The following MSI2 variants were observed in gnomAD, a reference collection of about 807,000 sequenced individuals.
The protein encoded by MSI2 is musashi RNA binding protein 2.
MSI2 carries 17 observed loss-of-function variants against 45.6 expected under a neutral mutation model. That is an observed-to-expected ratio of 0.37 (90% CI 0.26 to 0.56). The LOEUF (loss-of-function observed/expected upper bound fraction) is 0.56. Ranked by LOEUF, MSI2 falls within the 20% of genes least tolerant of loss-of-function variation. MSI2 has a pLI of 0.77. For missense variants in MSI2, 293 were observed against 444.2 expected, an observed-to-expected ratio of 0.66 and a Z score of 3.06; for synonymous variants, 156 against 158.2, an observed-to-expected ratio of 0.99 and a Z score of 0.11.
chr17:57,418,395 C>T (rs1203033402), intron 6 of MSI2, among the ~76,000 whole-genome samples: 1 of 152,228 alleles, frequency 6.6e-6, no homozygotes, highest in Non-Finnish European at 1.5e-5. Flanking sequence ...ATTGTATTGT[C>T]TGATGCCATC....
intron 6 of MSI2, among the ~76,000 whole-genome samples, chr17:57,488,048 TAGA>T (rs1478736934): frequency 1.3e-4 from 20 of 151,892 alleles, no homozygotes; most frequent in Non-Finnish European, 1.5e-5. Context: ...TGGGAGAGAT[TAGA>T]AGGAGAGAGC....
At chr17:57,435,069 G>T (rs185058998) in intron 6 of MSI2, among the ~76,000 whole-genome samples, 3 of 152,174 alleles carry the variant, frequency 2.0e-5, no homozygotes, top group African/African-American at 7.2e-5. Context: ...TAATGTAAGA[G>T]AGACTGCTTG....
downstream of MSI2, among the ~76,000 whole-genome samples, chr17:57,686,165 C>T (rs559415997): frequency 6.6e-5 from 10 of 152,198 alleles, no homozygotes; most frequent in South Asian, 2.1e-4. Context: ...CAAATGTCAG[C>T]GTCAGTGTTG....
chr17:57,343,720 T>A (rs146050272), intron 5 of MSI2, among the ~76,000 whole-genome samples: 73 of 152,314 alleles, frequency 4.8e-4, no homozygotes, highest in Middle Eastern at 3.4e-3. Context: ...GAGGATCAGG[T>A]ATAACATTTA....
At chr17:57,402,653 G>A (rs1365968478) in intron 6 of MSI2, among the ~76,000 whole-genome samples, 1 of 152,196 alleles carries the variant, frequency 6.6e-6, no homozygotes, top group African/African-American at 2.4e-5. Context: ...TGAGGGCCAT[G>A]ACCTTTATTC....
chr17:57,301,071 A>T (rs1023876757), intron 5 of MSI2, among the ~76,000 whole-genome samples: 4 of 152,182 alleles, frequency 2.6e-5, no homozygotes, highest in Non-Finnish European at 5.9e-5. Flanking sequence ...GTTCTTAGAC[A>T]CGGAGACCTT....
At chr17:57,645,023 C>T (rs1050909168) in intron 10 of MSI2, among the ~76,000 whole-genome samples, 1 of 152,166 alleles carries the variant, frequency 6.6e-6, no homozygotes, top group South Asian at 2.1e-4. Flanking sequence ...GGGTTCATGA[C>T]GTAATACTCC....
intron 10 of MSI2, among the ~76,000 whole-genome samples, chr17:57,648,503 C>T (rs1045605416): frequency 6.6e-6 from 1 of 152,194 alleles, no homozygotes; most frequent in African/African-American, 2.4e-5. Context: ...GGTCTGCGTG[C>T]TCTGCTGTTT....
intron 5 of MSI2, among the ~76,000 whole-genome samples, chr17:57,290,498 A>T (rs1396206437): frequency 6.6e-6 from 1 of 152,100 alleles, no homozygotes; most frequent in African/African-American, 2.4e-5. Flanking sequence ...TTTTGTAGAG[A>T]TGGGGTCTTG....
Position 57,677,982 on chromosome 17 carries a change from G to A in MSI2, c.*31+923G>A, listed in dbSNP as rs1056313559. ...AACATGGATCTGTCTCTGGAAAAGA[G>A]AGGGTGACAGCTGAGGCCAGGGAAT... On this transcript the variant is annotated intron_variant, in intron 13 of 13. Transcript: ENST00000284073. Among the ~76,000 whole-genome samples the A allele has an allele frequency of 9.9e-5, 15 of 152,240 alleles. 1 individual carries two copies. Among genetic ancestry groups the A allele is most frequent in the Admixed American group, 8.5e-4 (13 of 15,288 alleles).
chr17:57,384,802 C>T (rs989993657), intron 5 of MSI2, among the ~76,000 whole-genome samples: 9 of 152,160 alleles, frequency 5.9e-5, no homozygotes, highest in African/African-American at 2.2e-4. Flanking sequence ...TTAGTCTGAT[C>T]TTTCTCTTGA....
At chr17:57,580,925 A>C (rs759858828) in intron 7 of MSI2, among the ~76,000 whole-genome samples, 4 of 151,630 alleles carry the variant, frequency 2.6e-5, no homozygotes, top group Non-Finnish European at 5.9e-5. Context: ...CTTTATATAA[A>C]AACAACAGAC....
At chr17:57,659,213 C>T (rs1196958786) in intron 11 of MSI2, among the ~76,000 whole-genome samples, 3 of 152,022 alleles carry the variant, frequency 2.0e-5, no homozygotes, top group Non-Finnish European at 4.4e-5. Context: ...GTTCATACTA[C>T]CATGCCCGGC....
chr17:57,321,858 G>A lies in MSI2; in HGVS notation c.312+59666G>A, dbSNP rs544261423. ...GTCACTCAGGCTGGAGTGCCGTGGC[G>A]CGATCTTGGCTCACCGCAACCTCTG... On this transcript the variant is annotated intron_variant, in intron 5 of 13. Coordinates refer to ENST00000284073, the MANE Select transcript of MSI2 (RefSeq NM_138962.4). Among the ~76,000 whole-genome samples, 10 of 151,844 alleles carry A rather than the reference G, an allele frequency of 6.6e-5. No homozygotes were observed. The South Asian group carries it at 1.7e-3, about 25-fold the overall frequency.
chr17:57,406,960 GA>G, intron 6 of MSI2: 1 of 152,308 alleles, frequency 6.6e-6, no homozygotes, highest in Non-Finnish European at 1.5e-5. Flanking sequence ...TGGCCGGGAA[GA>G]AAAGGCCTTC....
In MSI2 at chr17:57,610,935, C is replaced by T. The variant is rs1907177313; in HGVS notation, c.538-5035C>T. Among the ~76,000 whole-genome samples the T allele has an allele frequency of 2.1e-5, 2 of 94,552 alleles. 1 individual carries two copies. Among genetic ancestry groups the T allele is most frequent in the Non-Finnish European group, 5.1e-5 (2 of 39,568 alleles). 62.0% of individuals were successfully genotyped at this position (94,552 alleles called of 152,430 possible). On this transcript the variant is annotated intron_variant, in intron 8 of 13. Coordinates refer to ENST00000284073, the MANE Select transcript of MSI2 (RefSeq NM_138962.4). ...ATTTTGTTGGGGTGGGGGGTGTTGG[C>T]ACATCCCTGGTATTGGGAGTGTTTT...
intron 6 of MSI2, among the ~76,000 whole-genome samples, chr17:57,422,488 C>G (rs945257082): frequency 1.3e-5 from 2 of 152,144 alleles, no homozygotes; most frequent in African/African-American, 4.8e-5. Flanking sequence ...GTAATTCTTA[C>G]AGTCTCCCTG....
intron 7 of MSI2, among the ~76,000 whole-genome samples, chr17:57,561,529 C>T (rs1353510393): frequency 2.0e-5 from 3 of 152,216 alleles, no homozygotes; most frequent in Non-Finnish European, 4.4e-5. Context: ...CCTGACCTTT[C>T]ATCCAGACTG....
chr17:57,390,611 A>G (rs1352059553), intron 5 of MSI2, among the ~76,000 whole-genome samples: 1 of 152,224 alleles, frequency 6.6e-6, no homozygotes, highest in African/African-American at 2.4e-5. Context: ...TGAGGCTGCC[A>G]TTTGTTCTTT....
Sources: gnomAD v4.1 joint callset for allele counts (sites outside exome capture counted in the v4.1 genomes callset) on GRCh38, gnomAD v4.1.1 for gene constraint, MANE v1.5 for transcripts, NCBI Gene and HGNC (gene_info 2026-07-23, HGNC 2026-07-21) for gene names.